FER1L6: variants seen among roughly 807,000 people sequenced by gnomAD.
The protein encoded by FER1L6 is fer-1-like protein 6.
In FER1L6, 177 loss-of-function variants were observed where a neutral mutation model predicts 219.2. The observed-to-expected ratio is 0.81, with a 90% confidence interval of 0.71 to 0.91. The LOEUF is 0.91. Ranked by LOEUF, FER1L6 falls within the 40% of genes least tolerant of loss-of-function variation. The probability of loss-of-function intolerance (pLI) is 0.00; values close to 1 mark genes in which losing one functional copy is unlikely to be tolerated. For synonymous variants in FER1L6, 768 were observed against 824.3 expected, an observed-to-expected ratio of 0.93 and a Z score of 1.17; for missense variants, 2,153 against 2,259.9, an observed-to-expected ratio of 0.95 and a Z score of 0.96.
chr8:124,008,477 CA>C (rs145225134), intron 13 of FER1L6, among the ~76,000 whole-genome samples: 5,488 of 152,140 alleles, frequency 0.036, 218 homozygotes, highest in East Asian at 0.11. Flanking sequence ...GTGGAATTGC[CA>C]GATCAAATGG....
chr8:124,043,520 C>T (rs1819594624), intron 20 of FER1L6, among the ~76,000 whole-genome samples: 1 of 152,200 alleles, frequency 6.6e-6, no homozygotes, highest in Non-Finnish European at 1.5e-5. Flanking sequence ...TTATAGGCAC[C>T]TTGGCAGAGT....
intron 1 of FER1L6, among the ~76,000 whole-genome samples, chr8:123,919,039 C>G (rs972235327): frequency 6.6e-6 from 1 of 152,230 alleles, no homozygotes; most frequent in African/African-American, 2.4e-5. Context: ...AGTACAATAA[C>G]TCTGGGTGGG....
At chr8:124,025,602 G>T (rs749143172) in intron 18 of FER1L6, among the ~76,000 whole-genome samples, 2 of 152,120 alleles carry the variant, frequency 1.3e-5, no homozygotes, top group East Asian at 1.9e-4. Context: ...TTGAAGTCAG[G>T]TAATGTGATG....
intron 1 of FER1L6, among the ~76,000 whole-genome samples, chr8:123,870,726 T>C (rs931573131): frequency 6.6e-6 from 1 of 152,198 alleles, no homozygotes; most frequent in African/African-American, 2.4e-5. Flanking sequence ...TTCTGTAATG[T>C]GAATACATGA....
intron 2 of FER1L6, among the ~76,000 whole-genome samples, chr8:123,961,684 A>T (rs2130174245): frequency 6.6e-6 from 1 of 152,288 alleles, no homozygotes; most frequent in Non-Finnish European, 1.5e-5. Context: ...GGTGGTCTTG[A>T]TGCATGTGTA....
intron 1 of FER1L6, among the ~76,000 whole-genome samples, chr8:123,908,525 G>A (rs1187640202): frequency 2.6e-5 from 4 of 152,214 alleles, no homozygotes. Context: ...GATGTGAAAT[G>A]GGAAAATATT....
At chr8:123,957,878 G>A (rs908556304) in intron 2 of FER1L6, among the ~76,000 whole-genome samples, 1 of 152,196 alleles carries the variant, frequency 6.6e-6, no homozygotes, top group African/African-American at 2.4e-5. Context: ...CCACAGGCCA[G>A]CCCTGTGGGA....
rs754548221 is a variant in FER1L6 at position 123,953,529 on chromosome 8, C to T, written c.-7-2463C>T. Among the ~76,000 whole-genome samples, 48 of 152,314 alleles carry T rather than the reference C, an allele frequency of 3.2e-4. 1 individual carries two copies. Among genetic ancestry groups the T allele is most frequent in the Non-Finnish European group, 5.9e-4 (40 of 68,028 alleles). On this transcript the variant is annotated intron_variant, in intron 1 of 40. Transcript: ENST00000522917. The stretch of plus-strand genomic sequence containing the variant: ...CCTGTCTCTACAAGGTGGGGCATCT[C>T]GTCCTCTTCCCCAGCCCATGACAGC...
At chr8:124,019,225 A>G (rs1290314553) in intron 16 of FER1L6, among the ~76,000 whole-genome samples, 2 of 152,174 alleles carry the variant, frequency 1.3e-5, no homozygotes, top group African/African-American at 2.4e-5. Flanking sequence ...CTATGTATCT[A>G]TGCTCTGACA....
chr8:124,040,771 T>C (rs1819452706), intron 20 of FER1L6: 1 of 152,290 alleles, frequency 6.6e-6, no homozygotes, highest in South Asian at 2.1e-4. Flanking sequence ...AGGCCTCTCT[T>C]CCTCTTCTTC....
intron 33 of FER1L6, among the ~76,000 whole-genome samples, chr8:124,082,776 G>T (rs1159461639): frequency 6.6e-6 from 1 of 152,164 alleles, no homozygotes; most frequent in Admixed American, 6.5e-5. Flanking sequence ...AATGCTAGAA[G>T]AATAATTAAT....
rs1217685259 is a variant in FER1L6 at position 123,976,053 on chromosome 8, C to A, written c.839C>A (p.Pro280His). The change falls in exon 9 of 41, where the codon CCC becomes CAC. Residue 280 changes from proline (P) to histidine (H), a missense_variant. Transcript: ENST00000522917. ...GGTGACAGTAAGGACCTGGTGGATC[C>A]CTTTGTGGAGGTCTCCTTTGCTGGG... Reference protein sequence around the residue: ...FVGDSKDLVDPFVEVSFAGQM... With the variant: ...FVGDSKDLVDHFVEVSFAGQM... 6.2e-7 allele frequency: 1 copy of A among 1,613,482 alleles called. No individual in the cohort carries two copies. The highest frequency in any genetic ancestry group is 1.3e-5 in the African/African-American group (1 of 74,872).
rs969607066 is a variant in FER1L6 at position 123,852,542 on chromosome 8, G to T, written c.-8+357G>T. Among the ~76,000 whole-genome samples the T allele has an allele frequency of 2.0e-5, 3 of 151,676 alleles. No individual in the cohort carries two copies. The highest frequency in any genetic ancestry group is 4.4e-5 in the Non-Finnish European group (3 of 67,932). On this transcript the variant is annotated intron_variant, in intron 1 of 40. Transcript: ENST00000522917. This position sits in a 1 kb window ranked among gnomAD's most constrained non-coding sequence, Gnocchi z 4.9. ...ACAGAGACAGAGGGAGGAGAAAGAA[G>T]AGAGACTGGTAAAATTTTGGGGGAT...
At chr8:124,030,792 C>A (rs1818924999) in intron 18 of FER1L6, among the ~76,000 whole-genome samples, 1 of 152,074 alleles carries the variant, frequency 6.6e-6, no homozygotes, top group Non-Finnish European at 1.5e-5. Flanking sequence ...CATAAACAAA[C>A]CTCACTCTCA....
chr8:123,911,017 A>T (rs1271401820), intron 1 of FER1L6, among the ~76,000 whole-genome samples: 1 of 152,078 alleles, frequency 6.6e-6, no homozygotes, highest in Admixed American at 6.6e-5. Flanking sequence ...CAGGTACTGA[A>T]AAATGGAGCT....
chr8:123,958,857 G>T (rs1368949986), intron 2 of FER1L6, among the ~76,000 whole-genome samples: 1 of 151,656 alleles, frequency 6.6e-6, no homozygotes, highest in Non-Finnish European at 1.5e-5. Context: ...GAGCAGTGCA[G>T]GGGGAGGGAT....
rs546789057 is a variant in FER1L6, at chr8:123,853,923, T to C, written c.-8+1738T>C. 6.6e-6 allele frequency among the ~76,000 whole-genome samples: 1 copy of C among 152,262 alleles called. No individual in the cohort carries two copies. The highest frequency in any genetic ancestry group is 1.9e-4 in the East Asian group (1 of 5,184). On this transcript the variant is annotated intron_variant, in intron 1 of 40. Coordinates refer to ENST00000522917, the MANE Select transcript of FER1L6 (RefSeq NM_001039112.2). This position sits in a 1 kb window ranked among gnomAD's most constrained non-coding sequence, Gnocchi z 6.6. The stretch of plus-strand genomic sequence containing the variant: ...TGGACAGGGCAGCAGAAGGTGCACC[T>C]CTGAGGAGCAAAGGATGCAGGGCTT...
At chr8:123,970,185 G>A in intron 6 of FER1L6, 88 bp downstream of exon 6, 2 of 1,180,924 alleles carry the variant, frequency 1.7e-6, no homozygotes, top group South Asian at 1.2e-5. Flanking sequence ...AGCATACTTA[G>A]CGGGGAATAG....
chr8:123,955,909 C>A, intron 1 of FER1L6, 83 bp from the exon 2 acceptor site: 2 of 1,286,752 alleles, frequency 1.6e-6, no homozygotes, highest in East Asian at 2.5e-5. Context: ...TCATGAAGCT[C>A]GGTGTGTTTT....
Sources: gnomAD v4.1 joint callset for allele counts (sites outside exome capture counted in the v4.1 genomes callset) on GRCh38, gnomAD v4.1.1 for gene constraint, Gnocchi (gnomAD v3.1) non-coding constraint, MANE v1.5 for transcripts, NCBI Gene and HGNC (gene_info 2026-07-23, HGNC 2026-07-21) for gene names.